Variants in PPP3CA observed in about 807,000 individuals in gnomAD.
PPP3CA encodes the protein CAM-PRP catalytic subunit.
Under a neutral mutation model 66.5 loss-of-function variants are expected in PPP3CA, and 14 were observed. The ratio of observed to expected loss-of-function variants is 0.21; its 90% CI spans 0.14 to 0.33. The LOEUF (loss-of-function observed/expected upper bound fraction) is 0.33. Among genes scored for constraint, PPP3CA ranks in the 10% least tolerant of loss-of-function variants. PPP3CA has a pLI of 1.00. For missense variants in PPP3CA, 317 were observed against 639.5 expected (o/e 0.50, Z 5.44); for synonymous variants, 232 against 226.2 (o/e 1.03, Z -0.23).
intron 1 of PPP3CA, among the ~76,000 whole-genome samples, chr4:101,241,632 A>G (rs1012325765): frequency 6.6e-6 from 1 of 152,162 alleles, no homozygotes; most frequent in Non-Finnish European, 1.5e-5. Context: ...AAGACTAGAA[A>G]TATTAACCTG....
At chr4:101,030,964 T>C (rs1057266181) in intron 12 of PPP3CA, among the ~76,000 whole-genome samples, 90 of 152,132 alleles carry the variant, frequency 5.9e-4, no homozygotes, top group Middle Eastern at 6.8e-3. Context: ...TGTGTGTGTT[T>C]TTTTTTTAAA....
chr4:101,140,778 G>T (rs1722782425), intron 2 of PPP3CA, among the ~76,000 whole-genome samples: 1 of 152,168 alleles, frequency 6.6e-6, no homozygotes. Flanking sequence ...TTCCCAATAT[G>T]TGTACACAGT....
chr4:101,312,873 G>C (rs1398614769), intron 1 of PPP3CA, among the ~76,000 whole-genome samples: 1 of 152,118 alleles, frequency 6.6e-6, no homozygotes, highest in African/African-American at 2.4e-5. Flanking sequence ...AGTGGTTGCA[G>C]GCAAAACCAG....
Position 101,024,136 on chromosome 4 carries a change from T to G in PPP3CA, c.*1729A>C, listed in dbSNP as rs1726512928. The G allele has an allele frequency of 6.6e-6, 1 of 152,206 alleles. No homozygotes were observed. Among genetic ancestry groups the G allele is most frequent in the African/African-American group, 2.4e-5 (1 of 41,452 alleles). 9.4% of individuals were successfully genotyped at this position (152,206 alleles called of 1,614,324 possible). A position where few individuals can be genotyped will look rare whatever the true frequency, so the allele number is the denominator to read the frequency against. ...CTTTAAACAGGCTTCTCTTATCTGA[T>G]TTGAGACACAAATCCACCAAGATTC... On this transcript the variant is annotated 3_prime_UTR_variant, in exon 14 of 14. Transcript: ENST00000394854.
At chr4:101,052,036 A>G (rs554754173) in intron 10 of PPP3CA, among the ~76,000 whole-genome samples, 1 of 152,164 alleles carries the variant, frequency 6.6e-6, no homozygotes, top group Admixed American at 6.6e-5. Flanking sequence ...TTTTTTTAAC[A>G]TTTAGTTTAT....
rs773989012 is a variant in PPP3CA, at chr4:101,185,501, G to A, written c.259+10415C>T. Among the ~76,000 whole-genome samples, 11 of 152,228 alleles carry A rather than the reference G, an allele frequency of 7.2e-5. No individual in the cohort carries two copies. The South Asian group carries it at 1.0e-3, about 14-fold the overall frequency. On this transcript the variant is annotated intron_variant, in intron 2 of 13. Coordinates refer to ENST00000394854, the MANE Select transcript of PPP3CA (RefSeq NM_000944.5). ...GAAGACAAAAGAAAATAAAAACTAT[G>A]TATTCACTTTAAAAATATTAACTAG...
At chr4:101,074,818 T>C (rs78864791) in intron 8 of PPP3CA, among the ~76,000 whole-genome samples, 1 of 152,234 alleles carries the variant, frequency 6.6e-6, no homozygotes, top group South Asian at 2.1e-4. Flanking sequence ...TCAAAAAGGA[T>C]AGACTTTTGC....
intron 2 of PPP3CA, among the ~76,000 whole-genome samples, chr4:101,146,144 T>C (rs1722961860): frequency 6.6e-6 from 1 of 152,200 alleles, no homozygotes; most frequent in Non-Finnish European, 1.5e-5. Flanking sequence ...GTGTTTTCTG[T>C]AATTGAGTCT....
chr4:101,252,297 CAT>C (rs1726702674), intron 1 of PPP3CA, among the ~76,000 whole-genome samples: 1 of 152,052 alleles, frequency 6.6e-6, no homozygotes, highest in Non-Finnish European at 1.5e-5. Flanking sequence ...CTAATGTAAA[CAT>C]AAATTATTTG....
chr4:101,098,976 A>G (rs1472392225), intron 4 of PPP3CA, among the ~76,000 whole-genome samples: 1 of 152,148 alleles, frequency 6.6e-6, no homozygotes, highest in Non-Finnish European at 1.5e-5. Flanking sequence ...TTAAGAGGAG[A>G]AGTCTTTATG....
In PPP3CA at chr4:101,190,905, T is replaced by C. The variant is rs780134247; in HGVS notation, c.259+5011A>G. On this transcript the variant is annotated intron_variant, in intron 2 of 13. Coordinates refer to ENST00000394854, the MANE Select transcript of PPP3CA (RefSeq NM_000944.5). ...ACCCTTCGCATCAGTATTCTTTGTA[T>C]GTTTTCTTCAGTAATGAGCAGGAAA... Among the ~76,000 whole-genome samples, 10 of 152,328 alleles carry C rather than the reference T, an allele frequency of 6.6e-5. No homozygotes were observed. In the East Asian group the frequency reaches 1.9e-3, roughly 29 times the overall value.
At chr4:101,029,241 G>T in intron 12 of PPP3CA, 46 bp from the exon 13 acceptor site, 1 of 1,528,570 alleles carries the variant, frequency 6.5e-7, no homozygotes, top group South Asian at 1.1e-5. Flanking sequence ...AAAATGAGCA[G>T]AGGATTTTTT....
rs183428283 is a variant in PPP3CA, at chr4:101,310,749, T to A, written c.58+35990A>T. 3.0e-3 allele frequency among the ~76,000 whole-genome samples: 452 copies of A among 152,302 alleles called. 4 individuals are homozygous for A. The highest frequency in any genetic ancestry group is 0.01 in the African/African-American group (429 of 41,566). On this transcript the variant is annotated intron_variant, in intron 1 of 13. Coordinates refer to ENST00000394854, the MANE Select transcript of PPP3CA (RefSeq NM_000944.5). Reference sequence around the variant, plus strand: ...TGAAACTACTGAAATCCAAAAAATTTCTTGAGAATAAAATACACAACAAAA... The same window carrying A: ...TGAAACTACTGAAATCCAAAAAATTACTTGAGAATAAAATACACAACAAAA...
intron 2 of PPP3CA, among the ~76,000 whole-genome samples, chr4:101,176,436 C>A (rs961300362): frequency 7.2e-5 from 11 of 152,160 alleles, no homozygotes; most frequent in African/African-American, 2.7e-4. Flanking sequence ...TGCAGAGAAT[C>A]CACAAGAGCA....
At chr4:101,030,746 C>CTATT (rs1183470005) in intron 12 of PPP3CA, among the ~76,000 whole-genome samples, 7 of 152,202 alleles carry the variant, frequency 4.6e-5, no homozygotes, top group South Asian at 4.1e-4. Flanking sequence ...GTACTGCCCA[C>CTATT]TATTAAATGT....
chr4:101,041,092 T>C (rs1270572300), intron 10 of PPP3CA, among the ~76,000 whole-genome samples: 1 of 152,192 alleles, frequency 6.6e-6, no homozygotes, highest in Non-Finnish European at 1.5e-5. Flanking sequence ...TTGATGATGA[T>C]TGTTTGAGTA....
intron 1 of PPP3CA, among the ~76,000 whole-genome samples, chr4:101,237,828 C>A (rs1235076919): frequency 6.6e-6 from 1 of 152,038 alleles, no homozygotes; most frequent in African/African-American, 2.4e-5. Flanking sequence ...CTTCCCTTGA[C>A]TTTTAGGAGT....
At chr4:101,333,269 AGTTTTTTTTTTTTTTTTT>A in intron 1 of PPP3CA, among the ~76,000 whole-genome samples, 1 of 66,482 alleles carries the variant, frequency 1.5e-5, no homozygotes, top group Non-Finnish European at 3.4e-5. Context: ...TACCATGCCC[AGTTTTTTTTTTTTTTTTT>A]TTTTTTTTTT....
chr4:101,248,092 G>A (rs1448734401), intron 1 of PPP3CA, among the ~76,000 whole-genome samples: 1 of 152,144 alleles, frequency 6.6e-6, no homozygotes, highest in Non-Finnish European at 1.5e-5. Flanking sequence ...ATTCTAGTCT[G>A]GCCACTATCT....
Sources: gnomAD v4.1 joint callset for allele counts (sites outside exome capture counted in the v4.1 genomes callset) on GRCh38, gnomAD v4.1.1 for gene constraint, MANE v1.5 for transcripts, NCBI Gene and HGNC (gene_info 2026-07-23, HGNC 2026-07-21) for gene names.